The following TANC1 variants were observed in gnomAD, a reference collection of about 807,000 sequenced individuals.
The protein encoded by TANC1 is tetratricopeptide repeat, ankyrin repeat and coiled-coil containing 1.
TANC1 carries 77 observed loss-of-function variants against 149.7 expected under a neutral mutation model. The observed-to-expected ratio is 0.51, with a 90% CI of 0.43 to 0.62. TANC1 has a LOEUF of 0.62. Among genes scored for constraint, TANC1 ranks in the 20% least tolerant of loss-of-function variants. The pLI is 0.00. For missense variants in TANC1, 1,985 were observed against 2,321.8 expected (o/e 0.85, Z 2.98); for synonymous variants, 854 against 925.0 (o/e 0.92, Z 1.39).
intron 2 of TANC1, among the ~76,000 whole-genome samples, chr2:159,054,188 C>G (rs2041679468): frequency 6.6e-6 from 1 of 152,146 alleles, no homozygotes; most frequent in Non-Finnish European, 1.5e-5. Flanking sequence ...CATGGTCAGG[C>G]TGGGGATCAA....
intron 3 of TANC1, among the ~76,000 whole-genome samples, chr2:159,086,445 T>C (rs754862240): frequency 2.0e-5 from 3 of 152,066 alleles, no homozygotes; most frequent in Non-Finnish European, 2.9e-5. Flanking sequence ...CAGTTGGAGC[T>C]ACATGGACAA....
Position 159,143,081 on chromosome 2 carries a change from AC to A in TANC1, c.365-6060del, listed in dbSNP as rs377486507. On this transcript the variant is annotated intron_variant, in intron 5 of 26. Transcript: ENST00000263635. ...CTGTCTCAAAAAAAAAAAAAAAACA[AC>A]AAAACAAAACAAAAAAAAACAAAAA... 4.7e-4 allele frequency among the ~76,000 whole-genome samples: 38 copies of A among 80,264 alleles called. 1 individual carries two copies. The South Asian group carries it at 5.4e-3, about 11-fold the overall frequency. 52.7% of individuals were successfully genotyped at this position (80,264 alleles called of 152,430 possible). A position where few individuals can be genotyped will look rare whatever the true frequency, so the allele number is the denominator to read the frequency against.
intron 6 of TANC1, 42 bp from the exon 7 acceptor site, chr2:159,150,328 C>T: frequency 6.5e-7 from 1 of 1,532,878 alleles, no homozygotes; most frequent in Non-Finnish European, 9.0e-7. Flanking sequence ...TCGAAGCATC[C>T]TGTGTAAGCC....
At chr2:158,970,994 C>T (rs1475179741) in intron 1 of TANC1, among the ~76,000 whole-genome samples, 1 of 152,202 alleles carries the variant, frequency 6.6e-6, no homozygotes, top group African/African-American at 2.4e-5. Flanking sequence ...TAAGATATAA[C>T]TGATTCATAG....
At chr2:159,044,735 T>TTCTCGG (rs2149550433) in intron 2 of TANC1, among the ~76,000 whole-genome samples, 1 of 152,286 alleles carries the variant, frequency 6.6e-6, no homozygotes, top group South Asian at 2.1e-4. Flanking sequence ...ACCGGCTCGC[T>TTCTCGG]TCTCCATGGG....
intron 2 of TANC1, among the ~76,000 whole-genome samples, chr2:159,055,436 C>A (rs946710522): frequency 6.6e-6 from 1 of 152,172 alleles, no homozygotes; most frequent in East Asian, 1.9e-4. Flanking sequence ...TCCCTATTCC[C>A]CCTACCCTCA....
intron 4 of TANC1, among the ~76,000 whole-genome samples, chr2:159,133,301 G>A (rs766413061): frequency 6.6e-5 from 10 of 151,188 alleles, no homozygotes; most frequent in Admixed American, 2.0e-4. Context: ...AGAGTAGGTG[G>A]CAAACCAAAA....
chr2:159,124,037 C>A (rs896252489), intron 4 of TANC1, among the ~76,000 whole-genome samples: 2 of 152,134 alleles, frequency 1.3e-5, no homozygotes, highest in Admixed American at 6.5e-5. Flanking sequence ...ATAGCTACTC[C>A]AGACAGGCCG....
chr2:159,199,231 C>T (rs1355429377), intron 19 of TANC1, among the ~76,000 whole-genome samples, 178 bp downstream of exon 19: 6 of 152,162 alleles, frequency 3.9e-5, no homozygotes, highest in Admixed American at 2.6e-4. Flanking sequence ...TTGCTGGAAG[C>T]GTAAGATTTT....
At chr2:159,225,018 G>C (rs1055963263) in intron 23 of TANC1, 4 of 157,884 alleles carry the variant, frequency 2.5e-5, no homozygotes, top group South Asian at 1.9e-4. Context: ...AATAGTGCCA[G>C]GAACTATCCA....
Position 159,104,651 on chromosome 2 carries a change from C to T in TANC1, c.259+6817C>T, listed in dbSNP as rs1292438350. On this transcript the variant is annotated intron_variant, in intron 4 of 26. Coordinates refer to ENST00000263635, the MANE Select transcript of TANC1 (RefSeq NM_033394.3). Reference sequence around the variant, plus strand: ...GTAGCCTCAACCTCCTGGGCTCAAGCGATCCTTCCACCTCAGCCTCAAGTA... The same window carrying T: ...GTAGCCTCAACCTCCTGGGCTCAAGTGATCCTTCCACCTCAGCCTCAAGTA... Among the ~76,000 whole-genome samples, 96 of 91,666 alleles carry T rather than the reference C, an allele frequency of 1.0e-3. 8 individuals carry two copies. Among genetic ancestry groups the T allele is most frequent in the Non-Finnish European group, 5.7e-4 (19 of 33,202 alleles). The allele number at this position is 91,666 out of a possible 152,430, so 60.1% of individuals were successfully genotyped here.
intron 12 of TANC1, among the ~76,000 whole-genome samples, chr2:159,176,139 G>A (rs1243394553): frequency 2.6e-5 from 4 of 152,162 alleles, no homozygotes; most frequent in African/African-American, 4.8e-5. Context: ...CATGCAATAT[G>A]TTTGTTTTGT....
At chr2:159,192,536 A>G (rs893586326) in intron 16 of TANC1, among the ~76,000 whole-genome samples, 2 of 152,250 alleles carry the variant, frequency 1.3e-5, no homozygotes, top group Non-Finnish European at 2.9e-5. Context: ...TCCCCAAACC[A>G]AGAGTGTCAA....
At chr2:159,220,275 GCTT>G (rs962170974) in intron 22 of TANC1, among the ~76,000 whole-genome samples, 7 of 146,588 alleles carry the variant, frequency 4.8e-5, no homozygotes, top group Non-Finnish European at 8.9e-5. Flanking sequence ...CTACCTGGTT[GCTT>G]TTTTTTTTTA....
At chr2:159,154,502 G>T (rs1244361248) in intron 7 of TANC1, among the ~76,000 whole-genome samples, 2 of 152,118 alleles carry the variant, frequency 1.3e-5, no homozygotes, top group African/African-American at 4.8e-5. Flanking sequence ...ACCAGTACAA[G>T]AATTTACTGG....
At chr2:159,016,792 T>C (rs930489507) in intron 2 of TANC1, among the ~76,000 whole-genome samples, 1 of 152,082 alleles carries the variant, frequency 6.6e-6, no homozygotes, top group Non-Finnish European at 1.5e-5. Context: ...GCCAGGATGG[T>C]CTCGATCTCC....
intron 1 of TANC1, among the ~76,000 whole-genome samples, chr2:158,996,981 CAAA>C (rs1166208435): frequency 1.1e-4 from 13 of 118,422 alleles, no homozygotes; most frequent in Non-Finnish European, 1.7e-4. Flanking sequence ...CAGACTGTGG[CAAA>C]AAAAAAAAAA....
intron 18 of TANC1, among the ~76,000 whole-genome samples, chr2:159,198,234 A>G (rs2058007692): frequency 6.6e-6 from 1 of 152,322 alleles, no homozygotes; most frequent in Admixed American, 6.5e-5. Context: ...CCCCATTTCA[A>G]CATTCATAAT....
intron 22 of TANC1, among the ~76,000 whole-genome samples, chr2:159,223,933 T>G (rs1240124432): frequency 6.6e-6 from 1 of 152,174 alleles, no homozygotes; most frequent in Non-Finnish European, 1.5e-5. Context: ...CCCGTCTCTG[T>G]GGCCTGGGAA....
Sources: allele counts gnomAD v4.1 joint callset (sites outside exome capture counted in the v4.1 genomes callset), GRCh38; gene constraint gnomAD v4.1.1; transcripts MANE v1.5; gene names NCBI Gene and HGNC (gene_info 2026-07-23, HGNC 2026-07-21).